CLASP1: variants seen among roughly 807,000 people sequenced by gnomAD.
CLASP1 encodes cytoplasmic linker associated protein 1, also known as CLIP-associating protein 1.
Under a neutral mutation model 192.3 loss-of-function variants are expected in CLASP1, and 38 were observed. That is an observed-to-expected ratio of 0.20 (90% confidence interval 0.15 to 0.26). The LOEUF (loss-of-function observed/expected upper bound fraction) is 0.26. Among genes scored for constraint, CLASP1 ranks in the 10% least tolerant of loss-of-function variants. CLASP1 has a pLI of 1.00. For missense variants in CLASP1, 1,433 were observed against 1,932.5 expected (o/e 0.74, Z 4.85); for synonymous variants, 691 against 712.8 (o/e 0.97, Z 0.49).
intron 1 of CLASP1, among the ~76,000 whole-genome samples, chr2:121,648,801 G>C (rs1265676962): frequency 4.6e-5 from 7 of 152,210 alleles, no homozygotes; most frequent in African/African-American, 1.7e-4. Context: ...GAACCAAGGG[G>C]ACCTTGTGCA....
chr2:121,643,118 T>C (rs2072463247), intron 1 of CLASP1, among the ~76,000 whole-genome samples: 1 of 152,258 alleles, frequency 6.6e-6, no homozygotes, highest in African/African-American at 2.4e-5. Context: ...CGCACCATGC[T>C]ATCAGATGGC....
intron 24 of CLASP1, among the ~76,000 whole-genome samples, chr2:121,408,815 A>C (rs2077279498): frequency 6.6e-6 from 1 of 152,236 alleles, no homozygotes; most frequent in Admixed American, 6.5e-5. Flanking sequence ...GACATTCAAA[A>C]TAAATACTAA....
intron 2 of CLASP1, among the ~76,000 whole-genome samples, chr2:121,576,780 GCAGT>G (rs1264300168): frequency 2.6e-5 from 4 of 152,148 alleles, no homozygotes; most frequent in African/African-American, 7.2e-5. Flanking sequence ...AAAGAATAAA[GCAGT>G]CAAACTACCT....
At chr2:121,494,157 A>G (rs1028881848) in intron 8 of CLASP1, among the ~76,000 whole-genome samples, 19 of 152,236 alleles carry the variant, frequency 1.2e-4, no homozygotes, top group African/African-American at 4.6e-4. Context: ...TGCCATGTTT[A>G]CTGCAGCACT....
At chr2:121,526,406 C>T (rs2094575158) in intron 5 of CLASP1, among the ~76,000 whole-genome samples, 1 of 152,242 alleles carries the variant, frequency 6.6e-6, no homozygotes, top group Non-Finnish European at 1.5e-5. Context: ...GAGCCAAGTA[C>T]TGCCCTACTG....
At chr2:121,637,403 T>C (rs756159152) in intron 1 of CLASP1, among the ~76,000 whole-genome samples, 2 of 151,890 alleles carry the variant, frequency 1.3e-5, no homozygotes, top group Non-Finnish European at 2.9e-5. Context: ...ACTGGCTATC[T>C]ACATGAAAAA....
intron 2 of CLASP1, among the ~76,000 whole-genome samples, chr2:121,540,674 G>A (rs2095212365): frequency 6.6e-6 from 1 of 151,862 alleles, no homozygotes; most frequent in Non-Finnish European, 1.5e-5. Flanking sequence ...TGTCATCCCA[G>A]CTACTTGGAG....
At chr2:121,634,160 A>T (rs2070359778) in intron 1 of CLASP1, among the ~76,000 whole-genome samples, 3 of 152,158 alleles carry the variant, frequency 2.0e-5, no homozygotes, top group Admixed American at 1.3e-4. Flanking sequence ...TAGCACGCTT[A>T]ATACACAGAA....
chr2:121,340,900 G>A (rs1475816786), exon 40 of CLASP1: 1 of 1,612,146 alleles, frequency 6.2e-7, no homozygotes, highest in Non-Finnish European at 8.5e-7. Context: ...AGCTGCTGTT[G>A]CTGTTGGTGG....
At chr2:121,637,469 C>G (rs996507709) in intron 1 of CLASP1, among the ~76,000 whole-genome samples, 1 of 152,092 alleles carries the variant, frequency 6.6e-6, no homozygotes, top group Admixed American at 6.5e-5. Context: ...CAAAGTGGAT[C>G]AAGGACCTCA....
At chr2:121,432,620 T>A (rs2081626591) in intron 19 of CLASP1, among the ~76,000 whole-genome samples, 1 of 152,230 alleles carries the variant, frequency 6.6e-6, no homozygotes, top group African/African-American at 2.4e-5. Flanking sequence ...GTATCTTCTA[T>A]GTTTATTTAA....
In CLASP1 at chr2:121,407,465, C is replaced by T; in HGVS notation, c.2669+6G>A. 1 of 1,613,742 alleles carries T rather than the reference C, an allele frequency of 6.2e-7. No individual in the cohort carries two copies. The highest frequency in any genetic ancestry group is 8.5e-7 in the Non-Finnish European group (1 of 1,179,796). On this transcript the variant is annotated splice_donor_region_variant and intron_variant, in intron 25 of 39. Transcript: ENST00000263710. Reference sequence around the variant, plus strand: ...ACTTAGCTCATATTCTTGCTGTGGTCCTCACCTCAGTGTTCTTTGGCTCTT... The same window carrying T: ...ACTTAGCTCATATTCTTGCTGTGGTTCTCACCTCAGTGTTCTTTGGCTCTT...
chr2:121,360,080 C>T (rs2066084742), intron 37 of CLASP1, among the ~76,000 whole-genome samples: 1 of 152,342 alleles, frequency 6.6e-6, no homozygotes, highest in Middle Eastern at 3.4e-3. Flanking sequence ...TCCTTCCTCG[C>T]TGCAGTCACA....
At chr2:121,498,375 T>C (rs190306314) in intron 8 of CLASP1, among the ~76,000 whole-genome samples, 165 of 151,858 alleles carry the variant, frequency 1.1e-3, no homozygotes, top group African/African-American at 3.9e-3. Flanking sequence ...ACCTGGCTAA[T>C]TTTTGTATTT....
intron 2 of CLASP1, among the ~76,000 whole-genome samples, chr2:121,571,773 C>T (rs751060020): frequency 6.6e-6 from 1 of 152,052 alleles, no homozygotes; most frequent in African/African-American, 2.4e-5. Context: ...AGTGTGGCTA[C>T]AGTATGGAGG....
chr2:121,435,817 A>T (rs933815464), intron 19 of CLASP1, among the ~76,000 whole-genome samples: 3 of 152,166 alleles, frequency 2.0e-5, no homozygotes, highest in African/African-American at 7.2e-5. Context: ...AAGTTTTAAG[A>T]TTCCTGTGTG....
chr2:121,570,922 G>A (rs1421306262), intron 2 of CLASP1, among the ~76,000 whole-genome samples: 1 of 151,994 alleles, frequency 6.6e-6, no homozygotes, highest in Non-Finnish European at 1.5e-5. Flanking sequence ...ATTCTCATGA[G>A]AAATGAAAGT....
intron 8 of CLASP1, among the ~76,000 whole-genome samples, chr2:121,499,954 C>T (rs1209910187): frequency 1.3e-5 from 2 of 152,164 alleles, no homozygotes; most frequent in Non-Finnish European, 2.9e-5. Flanking sequence ...TCTCACCACT[C>T]TTATCTTACA....
intron 8 of CLASP1, among the ~76,000 whole-genome samples, chr2:121,495,152 C>G (rs1222389032): frequency 2.0e-5 from 3 of 151,984 alleles, no homozygotes; most frequent in Admixed American, 2.0e-4. Context: ...GAAACTCCAT[C>G]TCTACTAAAA....
Sources: gnomAD v4.1 joint callset for allele counts (sites outside exome capture counted in the v4.1 genomes callset) on GRCh38, gnomAD v4.1.1 for gene constraint, MANE v1.5 for transcripts, NCBI Gene and HGNC (gene_info 2026-07-23, HGNC 2026-07-21) for gene names.